GRM5: variants seen among roughly 807,000 people sequenced by gnomAD.
GRM5 encodes glutamate metabotropic receptor 5.
A neutral mutation model predicts 83.1 loss-of-function variants in GRM5; 19 were observed. The ratio of observed to expected loss-of-function variants is 0.23; its 90% CI spans 0.16 to 0.34. The LOEUF (loss-of-function observed/expected upper bound fraction) is 0.34, where lower values mean the gene tolerates loss of function less well. Among genes scored for constraint, GRM5 ranks in the 10% least tolerant of loss-of-function variants. The pLI, the probability that GRM5 is intolerant of heterozygous loss-of-function variation, is 1.00. For missense variants in GRM5, 1,160 were observed against 1,588.3 expected (o/e 0.73, Z 4.58); for synonymous variants, 675 against 633.6 (o/e 1.07, Z -0.98).
In GRM5 at chr11:88,584,644, A is replaced by G. The variant is rs1054124655; in HGVS notation, c.1690+5957T>C. Among the ~76,000 whole-genome samples, 16 of 152,152 alleles carry G rather than the reference A, an allele frequency of 1.1e-4. 1 individual carries two copies. Among genetic ancestry groups the G allele is most frequent in the Admixed American group, 7.2e-4 (11 of 15,274 alleles). The stretch of plus-strand genomic sequence containing the variant: ...TGTTTAGTAGAGACAAGGTTTTGCC[A>G]TGTTGGCCAAGCTGGTCTCAAACTC... On this transcript the variant is annotated intron_variant, in intron 7 of 9. Coordinates refer to ENST00000305447, the MANE Select transcript of GRM5 (RefSeq NM_001143831.3).
At chr11:88,718,210 A>G (rs1193156337) in intron 3 of GRM5, among the ~76,000 whole-genome samples, 1 of 151,894 alleles carries the variant, frequency 6.6e-6, no homozygotes, top group Non-Finnish European at 1.5e-5. Context: ...ATGCCTATAT[A>G]TGTGATTCCA....
chr11:88,616,884 G>A (rs1938500545), intron 4 of GRM5, among the ~76,000 whole-genome samples: 1 of 152,076 alleles, frequency 6.6e-6, no homozygotes, highest in African/African-American at 2.4e-5. Flanking sequence ...TGATTTCCAG[G>A]ACACTGTGGG....
intron 6 of GRM5, among the ~76,000 whole-genome samples, chr11:88,591,929 T>C (rs990199945): frequency 5.9e-5 from 9 of 152,182 alleles, no homozygotes; most frequent in Non-Finnish European, 1.3e-4. Flanking sequence ...TTAGAACAGC[T>C]CTGTATGAAG....
At chr11:89,023,140 AGTGTGT>A (rs61343398) in intron 2 of GRM5, among the ~76,000 whole-genome samples, 3 of 146,740 alleles carry the variant, frequency 2.0e-5, no homozygotes, top group Admixed American at 6.7e-5. Context: ...ATATGCAAAG[AGTGTGT>A]GTGTGTGTGT....
Position 88,673,819 on chromosome 11 carries a change from G to C in GRM5, c.912-20416C>G, listed in dbSNP as rs57121677. On this transcript the variant is annotated intron_variant, in intron 3 of 9. Transcript: ENST00000305447. ...GAACCCAGGCTACAAGAGAAGCGTAGAGAAACAGGCAGTGCCAAATGGTTC... is the reference window on the plus strand; with the variant it reads ...GAACCCAGGCTACAAGAGAAGCGTACAGAAACAGGCAGTGCCAAATGGTTC... 9.2e-3 allele frequency among the ~76,000 whole-genome samples: 1,393 copies of C among 151,408 alleles called. 18 individuals carry two copies. Among genetic ancestry groups the C allele is most frequent in the African/African-American group, 0.032 (1,320 of 41,318 alleles).
intron 8 of GRM5, among the ~76,000 whole-genome samples, chr11:88,558,886 T>G (rs1942691798): frequency 6.6e-6 from 1 of 151,660 alleles, no homozygotes; most frequent in Admixed American, 6.6e-5. Context: ...TAAAGTTCTA[T>G]TTTTTTAAGT....
chr11:88,917,558 G>T (rs1945616509), intron 2 of GRM5, among the ~76,000 whole-genome samples: 1 of 152,098 alleles, frequency 6.6e-6, no homozygotes, highest in Admixed American at 6.6e-5. Flanking sequence ...CAAAATAGCT[G>T]TTTTGAAGAA....
Position 88,854,077 on chromosome 11 carries a change from T to TATATATATATATATATATATATAC in GRM5, c.662-3923_662-3922insGTATATATATATATATATATATAT, listed in dbSNP as rs927592084. ...TGTGGTGTATATATATATATATATA[T>TATATATATATATATATATATATAC]ACACAATGAAATACTAGTCAGCCTA... On this transcript the variant is annotated intron_variant, in intron 2 of 9. Coordinates refer to ENST00000305447, the MANE Select transcript of GRM5 (RefSeq NM_001143831.3). Among the ~76,000 whole-genome samples, 35 of 149,344 alleles carry TATATATATATATATATATATATAC rather than the reference T, an allele frequency of 2.3e-4. 1 individual carries two copies. The highest frequency in any genetic ancestry group is 6.9e-4 in the African/African-American group (28 of 40,302).
intron 2 of GRM5, among the ~76,000 whole-genome samples, chr11:88,880,109 A>G (rs1014398512): frequency 6.6e-6 from 1 of 152,116 alleles, no homozygotes; most frequent in Admixed American, 6.6e-5. Flanking sequence ...CTTAGACAAG[A>G]ATAGAAGCAT....
At position 88,985,619 on chromosome 11, in the gene GRM5, T is replaced by A. The variant is rs140887228; in HGVS notation, c.661+61593A>T. The stretch of plus-strand genomic sequence containing the variant: ...ACACCAAATGTTTCACTTTTCCATA[T>A]TAAGTTTAAATTCAGCAGTTTTCAA... On this transcript the variant is annotated intron_variant, in intron 2 of 9. Transcript: ENST00000305447. 2.6e-3 allele frequency among the ~76,000 whole-genome samples: 401 copies of A among 152,286 alleles called. 11 individuals are homozygous for A. In the East Asian group the frequency reaches 0.064, roughly 24 times the overall value.
intron 4 of GRM5, among the ~76,000 whole-genome samples, chr11:88,643,381 A>G (rs1939350577): frequency 6.6e-6 from 1 of 152,102 alleles, no homozygotes; most frequent in Non-Finnish European, 1.5e-5. Flanking sequence ...ATCACCTCTC[A>G]CCAGACTCCA....
chr11:89,025,177 C>T (rs191962359), intron 2 of GRM5, among the ~76,000 whole-genome samples: 2 of 152,162 alleles, frequency 1.3e-5, no homozygotes, highest in East Asian at 1.9e-4. Context: ...TTTTCTAGTC[C>T]GAAGAGAAAA....
At chr11:88,809,110 A>G (rs1943545804) in intron 3 of GRM5, among the ~76,000 whole-genome samples, 1 of 152,048 alleles carries the variant, frequency 6.6e-6, no homozygotes, top group African/African-American at 2.4e-5. Context: ...AGTTACTGAG[A>G]AAAAGCATAG....
chr11:88,882,769 G>C (rs151115969), intron 2 of GRM5, among the ~76,000 whole-genome samples: 1 of 151,994 alleles, frequency 6.6e-6, no homozygotes, highest in Non-Finnish European at 1.5e-5. Context: ...CATATGACAA[G>C]GTTTGGCTGT....
intron 2 of GRM5, 72 bp from the exon 3 acceptor site, chr11:88,850,227 G>A: frequency 1.4e-6 from 1 of 706,108 alleles, no homozygotes; most frequent in East Asian, 2.7e-5. Context: ...TAATCAGAAT[G>A]CAGGTGTTAG....
intron 3 of GRM5, among the ~76,000 whole-genome samples, chr11:88,706,015 GAAACTA>G (rs900748121): frequency 6.6e-6 from 1 of 152,012 alleles, no homozygotes; most frequent in African/African-American, 2.4e-5. Context: ...TACCAATGAA[GAAACTA>G]AGACTCACAG....
chr11:88,970,120 A>T (rs543545482), intron 2 of GRM5, among the ~76,000 whole-genome samples: 23 of 152,168 alleles, frequency 1.5e-4, no homozygotes, highest in Non-Finnish European at 8.8e-5. Context: ...ACTATTCAAC[A>T]GGTATAATAT....
intron 7 of GRM5, among the ~76,000 whole-genome samples, chr11:88,586,924 G>A (rs1022566157): frequency 3.9e-5 from 6 of 152,220 alleles, no homozygotes; most frequent in East Asian, 1.9e-4. Flanking sequence ...TTCCAAACTC[G>A]TTAAAGGCTT....
At chr11:88,632,768 C>T (rs1463240545) in intron 4 of GRM5, among the ~76,000 whole-genome samples, 1 of 152,132 alleles carries the variant, frequency 6.6e-6, no homozygotes, top group Non-Finnish European at 1.5e-5. Flanking sequence ...AACTATTTTC[C>T]AAAATGGTTA....
Sources: gnomAD v4.1 joint callset for allele counts (sites outside exome capture counted in the v4.1 genomes callset) on GRCh38, gnomAD v4.1.1 for gene constraint, MANE v1.5 for transcripts, NCBI Gene and HGNC (gene_info 2026-07-23, HGNC 2026-07-21) for gene names.